Variants in CSMD1 observed in about 807,000 individuals in gnomAD.
CSMD1 encodes the protein CUB and Sushi multiple domains 1, also known as CUB and sushi domain-containing protein 1.
A neutral mutation model predicts 417.5 loss-of-function variants in CSMD1; 213 were observed. That is an observed-to-expected ratio of 0.51 (90% CI 0.46 to 0.57). CSMD1 has a LOEUF of 0.57. Ranked by LOEUF, CSMD1 falls within the 20% of genes least tolerant of loss-of-function variation. CSMD1 has a pLI of 0.00. For missense variants in CSMD1, 6,923 were observed against 4,529.7 expected, an observed-to-expected ratio of 1.53 and a Z score of -15.17; for synonymous variants, 2,862 against 1,736.8, an observed-to-expected ratio of 1.65 and a Z score of -16.11.
rs1228690627 is a variant in CSMD1, at chr8:4,312,448, T to C, written c.415+107505A>G. On this transcript the variant is annotated intron_variant, in intron 3 of 69. Transcript: ENST00000635120. ...GCGTATATATATATGCGTATATATA[T>C]ACGTATATATATGCGCGTATATATA... 1.6e-4 allele frequency among the ~76,000 whole-genome samples: 19 copies of C among 117,460 alleles called. 1 individual carries two copies. In the South Asian group the frequency reaches 3.6e-3, roughly 23 times the overall value. The allele number at this position is 117,460 out of a possible 152,430, so 77.1% of individuals were successfully genotyped here. A position where few individuals can be genotyped will look rare whatever the true frequency, so the allele number is the denominator to read the frequency against.
chr8:4,887,802 C>T (rs1000798939), intron 1 of CSMD1, among the ~76,000 whole-genome samples: 7 of 151,922 alleles, frequency 4.6e-5, no homozygotes, highest in African/African-American at 9.7e-5. Flanking sequence ...TTTCTAGTGA[C>T]ACTTTTTGTT....
intron 11 of CSMD1, among the ~76,000 whole-genome samples, chr8:3,474,961 T>G (rs1448278972): frequency 3.3e-5 from 5 of 152,268 alleles, no homozygotes; most frequent in Non-Finnish European, 7.4e-5. Flanking sequence ...CTGCCTGCCT[T>G]TTTTGCCCCC....
chr8:3,950,849 T>G (rs1253041586), intron 5 of CSMD1, among the ~76,000 whole-genome samples: 1 of 152,230 alleles, frequency 6.6e-6, no homozygotes, highest in East Asian at 1.9e-4. Context: ...TAGAATATTT[T>G]CTTTAAAAGA....
At chr8:3,651,445 G>T (rs13259883) in intron 7 of CSMD1, among the ~76,000 whole-genome samples, 3 of 151,992 alleles carry the variant, frequency 2.0e-5, no homozygotes, top group Non-Finnish European at 2.9e-5. Flanking sequence ...TAATGCCTCA[G>T]GGTCTGTGCA....
At chr8:4,470,630 C>T (rs754613739) in intron 2 of CSMD1, among the ~76,000 whole-genome samples, 3 of 152,082 alleles carry the variant, frequency 2.0e-5, no homozygotes, top group African/African-American at 4.8e-5. Flanking sequence ...CTTTCCTGTA[C>T]GTTAACCATT....
At chr8:3,831,981 G>A (rs1450445377) in intron 5 of CSMD1, among the ~76,000 whole-genome samples, 3 of 152,238 alleles carry the variant, frequency 2.0e-5, no homozygotes, top group African/African-American at 7.2e-5. Context: ...CATTTGTGTT[G>A]CCACCATCCA....
chr8:3,547,487 T>C (rs1319430910), intron 10 of CSMD1, among the ~76,000 whole-genome samples: 1 of 152,232 alleles, frequency 6.6e-6, no homozygotes, highest in Non-Finnish European at 1.5e-5. Flanking sequence ...GTTTTCCAAC[T>C]TCTGAGCATA....
chr8:3,341,513 C>T (rs987926759), intron 23 of CSMD1, among the ~76,000 whole-genome samples: 5 of 152,106 alleles, frequency 3.3e-5, no homozygotes, highest in African/African-American at 4.8e-5. Context: ...AAATAACACA[C>T]GAGCTGAGCA....
intron 2 of CSMD1, among the ~76,000 whole-genome samples, chr8:4,493,544 T>A (rs183591709): frequency 1.8e-4 from 27 of 152,074 alleles, no homozygotes; most frequent in African/African-American, 6.5e-4. Flanking sequence ...AAAACATTTT[T>A]AAAACATTAG....
intron 1 of CSMD1, among the ~76,000 whole-genome samples, chr8:4,796,042 G>A (rs970149105): frequency 1.6e-4 from 24 of 152,160 alleles, no homozygotes; most frequent in South Asian, 2.1e-4. Context: ...TATTTAAAAT[G>A]TAACACTCAC....
At chr8:4,860,527 C>G (rs1477189176) in intron 1 of CSMD1, among the ~76,000 whole-genome samples, 1 of 152,030 alleles carries the variant, frequency 6.6e-6, no homozygotes. Context: ...TGAGGCCTCG[C>G]TGGAACTTGA....
intron 1 of CSMD1, among the ~76,000 whole-genome samples, chr8:4,991,117 C>G (rs930970943): frequency 6.6e-6 from 1 of 152,146 alleles, no homozygotes; most frequent in African/African-American, 2.4e-5. Context: ...ATGCAAGAAA[C>G]AACTGAGAAG....
intron 7 of CSMD1, among the ~76,000 whole-genome samples, chr8:3,677,472 G>C (rs541805469): frequency 1.3e-5 from 2 of 152,204 alleles, no homozygotes; most frequent in Non-Finnish European, 2.9e-5. Context: ...TGAATGCACA[G>C]ATCTGAGCAC....
chr8:4,878,483 G>C lies in CSMD1; in HGVS notation c.85+115849C>G, dbSNP rs1803188563. On this transcript the variant is annotated intron_variant, in intron 1 of 69. Transcript: ENST00000635120. ...AGGTAGGTAGAGGTAAGACAGCATA[G>C]AATCATGATGATGATGATGATGATG... Among the ~76,000 whole-genome samples the C allele has an allele frequency of 3.3e-5, 5 of 151,866 alleles. No individual in the cohort carries two copies. The South Asian group carries it at 8.3e-4, about 25-fold the overall frequency.
intron 7 of CSMD1, among the ~76,000 whole-genome samples, chr8:3,674,829 T>C (rs1258554951): frequency 1.3e-5 from 2 of 152,168 alleles, no homozygotes; most frequent in Middle Eastern, 3.2e-3. Context: ...ACTGAAGTTA[T>C]CAGGGCACTT....
At chr8:4,056,206 C>A (rs567034740) in intron 3 of CSMD1, among the ~76,000 whole-genome samples, 3 of 150,986 alleles carry the variant, frequency 2.0e-5, no homozygotes, top group African/African-American at 2.4e-5. Context: ...CTCAGCCTCC[C>A]GAGTAGCTGG....
intron 3 of CSMD1, among the ~76,000 whole-genome samples, chr8:4,036,357 T>G (rs1320704912): frequency 6.6e-6 from 1 of 152,128 alleles, no homozygotes; most frequent in African/African-American, 2.4e-5. Flanking sequence ...TCCAAAATTG[T>G]TACCATGGTA....
At chr8:4,084,633 C>T (rs1242132033) in intron 3 of CSMD1, among the ~76,000 whole-genome samples, 2 of 152,160 alleles carry the variant, frequency 1.3e-5, no homozygotes, top group African/African-American at 4.8e-5. Flanking sequence ...TTTGCCAAGC[C>T]CTCTTTAGTG....
intron 5 of CSMD1, among the ~76,000 whole-genome samples, chr8:3,896,636 C>T (rs182736754): frequency 5.3e-5 from 8 of 151,978 alleles, no homozygotes; most frequent in African/African-American, 1.5e-4. Flanking sequence ...CTCAGCCTCC[C>T]GAGTAGCTGG....
Sources: gnomAD v4.1 joint callset for allele counts (sites outside exome capture counted in the v4.1 genomes callset) on GRCh38, gnomAD v4.1.1 for gene constraint, MANE v1.5 for transcripts, NCBI Gene and HGNC (gene_info 2026-07-23, HGNC 2026-07-21) for gene names.